ATP8B1: variants seen among roughly 807,000 people sequenced by gnomAD.
ATP8B1 encodes phospholipid-transporting ATPase IC.
ATP8B1 carries 80 observed loss-of-function variants against 149.9 expected under a neutral mutation model. The ratio of observed to expected loss-of-function variants is 0.53; its 90% CI spans 0.45 to 0.64. The LOEUF (loss-of-function observed/expected upper bound fraction) is 0.64, where lower values mean the gene tolerates loss of function less well. ATP8B1 is among the 30% of genes least tolerant of loss of function. The pLI is 0.00. For missense variants in ATP8B1, 1,247 were observed against 1,552.6 expected (o/e 0.80, Z 3.31); for synonymous variants, 536 against 562.8 (o/e 0.95, Z 0.67).
intron 1 of ATP8B1, among the ~76,000 whole-genome samples, chr18:57,765,100 T>G (rs1484156288): frequency 6.6e-6 from 1 of 152,230 alleles, no homozygotes; most frequent in East Asian, 1.9e-4. Flanking sequence ...AACTATCATT[T>G]GGCCTTAAAA....
intron 27 of ATP8B1, among the ~76,000 whole-genome samples, chr18:57,650,076 G>A (rs1233957442): frequency 6.6e-6 from 1 of 152,180 alleles, no homozygotes; most frequent in African/African-American, 2.4e-5. Flanking sequence ...AATCTGATTT[G>A]TATGACAAAA....
At chr18:57,746,538 A>T (rs1306825376) in intron 1 of ATP8B1, among the ~76,000 whole-genome samples, 1 of 128,520 alleles carries the variant, frequency 7.8e-6, no homozygotes, top group South Asian at 2.5e-4. Context: ...CAGTGGTGTG[A>T]TCTCTGCTCA....
intron 20 of ATP8B1, among the ~76,000 whole-genome samples, chr18:57,663,974 C>G (rs886889330): frequency 1.3e-5 from 2 of 151,080 alleles, no homozygotes; most frequent in Admixed American, 6.6e-5. Flanking sequence ...ACCATGTTGG[C>G]CAGGATGGTC....
chr18:57,728,118 C>T (rs909923789), intron 2 of ATP8B1, among the ~76,000 whole-genome samples: 1 of 151,790 alleles, frequency 6.6e-6, no homozygotes, highest in African/African-American at 2.4e-5. Context: ...AACAGGAAAG[C>T]TTAGTTGGGC....
intron 19 of ATP8B1, chr18:57,668,135 GC>G: frequency 7.4e-7 from 1 of 1,358,732 alleles, no homozygotes; most frequent in Non-Finnish European, 9.7e-7. Flanking sequence ...AAGAGGGATG[GC>G]CCTTTCAGGA....
chr18:57,704,442 C>A, intron 4 of ATP8B1, 113 bp downstream of exon 4: 1 of 764,106 alleles, frequency 1.3e-6, no homozygotes, highest in Non-Finnish European at 2.3e-6. Context: ...ATGTACAGAA[C>A]CCTGATGCTA....
rs1049019165 is a variant in ATP8B1, at chr18:57,784,682, G to A, written c.-26+18316C>T. Among the ~76,000 whole-genome samples, 3 of 149,222 alleles carry A rather than the reference G, an allele frequency of 2.0e-5. No homozygotes were observed. Among genetic ancestry groups the A allele is most frequent in the South Asian group, 4.2e-4 (2 of 4,814 alleles). ...CAGGAGAGTATTATGAAACGTGCAG[G>A]AGAGTATTATGAAACGTGCCTATGA... On this transcript the variant is annotated intron_variant, in intron 1 of 27. Coordinates refer to ENST00000648908, the MANE Select transcript of ATP8B1 (RefSeq NM_001374385.1). This position sits in a 1 kb window ranked among gnomAD's most constrained non-coding sequence, Gnocchi z 4.4.
chr18:57,747,109 T>C (rs1423745898), intron 1 of ATP8B1, among the ~76,000 whole-genome samples: 2 of 152,166 alleles, frequency 1.3e-5, no homozygotes, highest in African/African-American at 4.8e-5. Flanking sequence ...CTAAGGACAA[T>C]GGACCTTGAG....
At chr18:57,657,907 A>G (rs1449682920) in intron 22 of ATP8B1, among the ~76,000 whole-genome samples, 3 of 152,202 alleles carry the variant, frequency 2.0e-5, no homozygotes, top group Non-Finnish European at 2.9e-5. Flanking sequence ...ATAAGGTAAC[A>G]TTGGTCTTTT....
At chr18:57,663,465 C>A (rs373111) in intron 20 of ATP8B1, among the ~76,000 whole-genome samples, 119,374 of 152,112 alleles carry the variant, frequency 0.78, 47,002 homozygotes, top group East Asian at 0.92. Flanking sequence ...GGGATTGTTG[C>A]ATCATATGGT....
chr18:57,688,203 C>T (rs1912351464), intron 13 of ATP8B1, 96 bp downstream of exon 13: 1 of 1,355,350 alleles, frequency 7.4e-7, no homozygotes, highest in African/African-American at 1.4e-5. Flanking sequence ...CGAGAGGGCA[C>T]CAGCAATGCC....
intron 1 of ATP8B1, among the ~76,000 whole-genome samples, chr18:57,764,309 CTTT>C (rs1206923632): frequency 2.8e-5 from 4 of 145,452 alleles, no homozygotes; most frequent in Non-Finnish European, 6.0e-5. Flanking sequence ...TTCCTTCCTT[CTTT>C]CTTTCTTTCT....
intron 2 of ATP8B1, among the ~76,000 whole-genome samples, chr18:57,715,339 A>C (rs562307957): frequency 6.6e-6 from 1 of 152,302 alleles, no homozygotes; most frequent in Admixed American, 6.5e-5. Context: ...AGAAAAAAGA[A>C]TAAAAAAGAA....
intron 2 of ATP8B1, among the ~76,000 whole-genome samples, chr18:57,715,262 A>T (rs456984): frequency 0.41 from 62,782 of 152,016 alleles, 13,184 homozygotes; most frequent in East Asian, 0.55. Context: ...CCAGGATTGA[A>T]TAAGTGGAAC....
chr18:57,734,330 C>T (rs1418502819), intron 1 of ATP8B1, among the ~76,000 whole-genome samples: 1 of 152,118 alleles, frequency 6.6e-6, no homozygotes, highest in African/African-American at 2.4e-5. Flanking sequence ...GCTGGGATTA[C>T]AGGCATGTAC....
At chr18:57,766,605 A>T (rs2080213629) in intron 1 of ATP8B1, among the ~76,000 whole-genome samples, 1 of 152,202 alleles carries the variant, frequency 6.6e-6, no homozygotes, top group African/African-American at 2.4e-5. Context: ...CTTGTTGAGC[A>T]CAAATTGCTA....
intron 1 of ATP8B1, among the ~76,000 whole-genome samples, chr18:57,762,114 C>A (rs1448008811): frequency 8.0e-6 from 1 of 124,928 alleles, no homozygotes; most frequent in African/African-American, 2.9e-5. Flanking sequence ...TAATGAGATA[C>A]ACACACACAC....
intron 22 of ATP8B1, among the ~76,000 whole-genome samples, chr18:57,660,942 C>T (rs1260287405): frequency 6.6e-6 from 1 of 152,120 alleles, no homozygotes; most frequent in Admixed American, 6.6e-5. Context: ...CCTTATTTTC[C>T]TCTTCGCATC....
At chr18:57,719,807 G>T (rs1014778912) in intron 2 of ATP8B1, among the ~76,000 whole-genome samples, 12 of 152,162 alleles carry the variant, frequency 7.9e-5, no homozygotes, top group Non-Finnish European at 1.0e-4. Flanking sequence ...TGGGGGCAGG[G>T]TACAGACAGC....
Sources: gnomAD v4.1 joint callset for allele counts (sites outside exome capture counted in the v4.1 genomes callset) on GRCh38, gnomAD v4.1.1 for gene constraint, Gnocchi (gnomAD v3.1) non-coding constraint, MANE v1.5 for transcripts, NCBI Gene and HGNC (gene_info 2026-07-23, HGNC 2026-07-21) for gene names.